Variants in TRAPPC9 observed in about 807,000 individuals in gnomAD.
TRAPPC9 encodes trafficking protein particle complex subunit 9, also known as IKK2 binding protein.
A neutral mutation model predicts 124.0 loss-of-function variants in TRAPPC9; 83 were observed. The ratio of observed to expected loss-of-function variants is 0.67; its 90% CI spans 0.56 to 0.80. The LOEUF (loss-of-function observed/expected upper bound fraction) is 0.80, where lower values mean the gene tolerates loss of function less well. TRAPPC9 is among the 30% of genes least tolerant of loss of function. The pLI, the probability that TRAPPC9 is intolerant of heterozygous loss-of-function variation, is 0.00. For synonymous variants in TRAPPC9, 638 were observed against 617.5 expected, an observed-to-expected ratio of 1.03 and a Z score of -0.49; for missense variants, 1,302 against 1,508.3, an observed-to-expected ratio of 0.86 and a Z score of 2.27.
At chr8:140,059,087 T>C (rs1445960477) in intron 17 of TRAPPC9, among the ~76,000 whole-genome samples, 1 of 152,162 alleles carries the variant, frequency 6.6e-6, no homozygotes, top group Non-Finnish European at 1.5e-5. Flanking sequence ...ATAAAGCCAC[T>C]CCATCACCCC....
chr8:139,747,475 T>C (rs1158572915), intron 21 of TRAPPC9, among the ~76,000 whole-genome samples: 5 of 19,800 alleles, frequency 2.5e-4, no homozygotes, highest in Non-Finnish European at 6.8e-4. Flanking sequence ...TGTGCAGGGG[T>C]CAGAGCAGGT....
At chr8:140,384,422 C>A (rs900271476) in intron 7 of TRAPPC9, among the ~76,000 whole-genome samples, 7 of 152,154 alleles carry the variant, frequency 4.6e-5, no homozygotes, top group Non-Finnish European at 1.5e-5. Flanking sequence ...ACCCATCTCA[C>A]ATGCAGAGAC....
chr8:140,300,586 T>C lies in TRAPPC9; in HGVS notation c.1651A>G (p.Ser551Gly). 1 of 1,614,264 alleles carries C rather than the reference T, an allele frequency of 6.2e-7. No individual in the cohort carries two copies. The highest frequency in any genetic ancestry group is 8.5e-7 in the Non-Finnish European group (1 of 1,180,052). ...CTTTTCATTTTGTGTGGCCGGAGGC[T>C]AGCAGGAAGGTTCAATAGTTTCACA... ...RHVKLLNLPA[S>G]LRPHKMKSLL... is the part of the protein sequence containing the mutation. Residue 551 changes from serine (S) to glycine (G), a missense_variant, in exon 11 of 23, where the codon AGC becomes GGC. Physicochemically the swap from Ser to Gly is moderately conservative, Grantham distance 56. This residue lies in a region of TRAPPC9 where 657 missense variants were observed against 811.2 expected (regional missense o/e 0.81). Coordinates refer to ENST00000438773, the MANE Select transcript of TRAPPC9 (RefSeq NM_001160372.4).
intron 2 of TRAPPC9, among the ~76,000 whole-genome samples, chr8:140,443,568 C>T (rs1264953775): frequency 6.6e-6 from 1 of 151,922 alleles, no homozygotes; most frequent in African/African-American, 2.4e-5. Context: ...TAAAAGGTGC[C>T]CACATGGTAG....
At chr8:140,327,889 G>T (rs977388415) in intron 9 of TRAPPC9, among the ~76,000 whole-genome samples, 2 of 152,162 alleles carry the variant, frequency 1.3e-5, no homozygotes, top group African/African-American at 2.4e-5. Context: ...TGAATTTTAC[G>T]CTTAAAACAG....
intron 21 of TRAPPC9, among the ~76,000 whole-genome samples, chr8:139,841,231 T>C (rs1327065764): frequency 6.6e-6 from 1 of 152,192 alleles, no homozygotes; most frequent in Non-Finnish European, 1.5e-5. Flanking sequence ...TCTTCTCCTC[T>C]GAAAGGACCT....
chr8:140,149,201 A>G (rs1215934463), intron 17 of TRAPPC9, among the ~76,000 whole-genome samples: 1 of 152,164 alleles, frequency 6.6e-6, no homozygotes, highest in Non-Finnish European at 1.5e-5. Context: ...CTACCTGCAG[A>G]CAAGGACTAA....
At position 140,451,896 on chromosome 8, in the gene TRAPPC9, G is replaced by A. The variant is rs184308343; in HGVS notation, c.-10-513C>T. Among the ~76,000 whole-genome samples, 132 of 152,168 alleles carry A rather than the reference G, an allele frequency of 8.7e-4. 1 individual carries two copies. The highest frequency in any genetic ancestry group is 3.9e-3 in the East Asian group (20 of 5,172). On this transcript the variant is annotated intron_variant, in intron 1 of 22. Coordinates refer to ENST00000438773, the MANE Select transcript of TRAPPC9 (RefSeq NM_001160372.4). Reference sequence around the variant, plus strand: ...AACACTTTGGAAGGCCGAAGCTGGCGGATCACTTGAGGTCAGGAATTCGAG... The same window carrying A: ...AACACTTTGGAAGGCCGAAGCTGGCAGATCACTTGAGGTCAGGAATTCGAG...
intron 17 of TRAPPC9, among the ~76,000 whole-genome samples, chr8:140,093,179 T>C (rs1844687050): frequency 6.6e-6 from 1 of 152,184 alleles, no homozygotes; most frequent in Non-Finnish European, 1.5e-5. Flanking sequence ...TTTGTTCTAG[T>C]AGCTACCAAT....
chr8:140,371,331 G>A (rs909723506), intron 7 of TRAPPC9, 151 bp from the exon 8 acceptor site: 16 of 886,544 alleles, frequency 1.8e-5, no homozygotes, highest in African/African-American at 3.4e-5. Flanking sequence ...AGCGCATGGC[G>A]CAGGCCCCAG....
intron 17 of TRAPPC9, among the ~76,000 whole-genome samples, chr8:140,136,610 G>A (rs2061308357): frequency 6.6e-6 from 1 of 152,186 alleles, no homozygotes; most frequent in South Asian, 2.1e-4. Context: ...GGCCGAGGCT[G>A]GTGGATCACC....
At chr8:140,166,458 G>T (rs911342614) in intron 17 of TRAPPC9, among the ~76,000 whole-genome samples, 1 of 152,226 alleles carries the variant, frequency 6.6e-6, no homozygotes, top group Non-Finnish European at 1.5e-5. Flanking sequence ...CCTCCAGGGA[G>T]CTCAAGCTCC....
intron 21 of TRAPPC9, among the ~76,000 whole-genome samples, chr8:139,804,732 A>AC (rs1554647076): frequency 8.0e-4 from 79 of 98,578 alleles, no homozygotes; most frequent in Middle Eastern, 6.0e-3. Flanking sequence ...ACCAAGCACC[A>AC]CCACCACCAC....
chr8:140,334,046 T>C (rs62529431), intron 9 of TRAPPC9, among the ~76,000 whole-genome samples: 5,676 of 152,278 alleles, frequency 0.037, 146 homozygotes, highest in Non-Finnish European at 0.051. Context: ...ATGAGAGAAA[T>C]TGAAGCTTAG....
chr8:140,433,131 G>A (rs963730558), intron 4 of TRAPPC9, among the ~76,000 whole-genome samples: 6 of 149,858 alleles, frequency 4.0e-5, no homozygotes, highest in African/African-American at 9.8e-5. Flanking sequence ...GCGAAACCTC[G>A]TCTCTACAAA....
chr8:140,229,240 G>GTT (rs2063526329), intron 16 of TRAPPC9, among the ~76,000 whole-genome samples: 1 of 118,746 alleles, frequency 8.4e-6, no homozygotes, highest in African/African-American at 3.5e-5. Flanking sequence ...AATTCCGTAT[G>GTT]TTTTCTTTTT....
At chr8:140,149,690 A>G (rs28491566) in intron 17 of TRAPPC9, among the ~76,000 whole-genome samples, 112,210 of 151,900 alleles carry the variant, frequency 0.74, 42,575 homozygotes, top group African/African-American at 0.9. Context: ...TTGTGAAATG[A>G]GGATAAAATC....
rs1817749226 is a variant in TRAPPC9 at position 139,730,501 on chromosome 8, CTT to C, written c.*558_*559del. On this transcript the variant is annotated 3_prime_UTR_variant, in exon 23 of 23. Coordinates refer to ENST00000438773, the MANE Select transcript of TRAPPC9 (RefSeq NM_001160372.4). ...TGCCCACCACGGGTGGAGGGCCTCT[CTT>C]GGCATCAACCATCCACGACCTCCTA... 1 of 155,664 alleles carries C rather than the reference CTT, an allele frequency of 6.4e-6. No homozygotes were observed. The highest frequency in any genetic ancestry group is 2.0e-4 in the South Asian group (1 of 5,092). 9.6% of individuals were successfully genotyped at this position (155,664 alleles called of 1,614,324 possible).
chr8:139,988,556 C>T lies in TRAPPC9; in HGVS notation c.2810+170G>A, dbSNP rs75691391. Among the ~76,000 whole-genome samples, 1,171 of 152,282 alleles carry T rather than the reference C, an allele frequency of 7.7e-3. 19 individuals are homozygous for T. Among genetic ancestry groups the T allele is most frequent in the African/African-American group, 0.027 (1,121 of 41,558 alleles). On this transcript the variant is annotated intron_variant, in intron 19 of 22. Transcript: ENST00000438773. ...CTTTGCACTTAGCTCTAATTTAAAA[C>T]GACTCCAGATTCTCCCACCAAACTT...
Sources: allele counts gnomAD v4.1 joint callset (sites outside exome capture counted in the v4.1 genomes callset), GRCh38; gene constraint gnomAD v4.1.1; regional missense constraint gnomAD v4.1.1; transcripts MANE v1.5; gene names NCBI Gene and HGNC (gene_info 2026-07-23, HGNC 2026-07-21).